Variants in LPP observed in about 807,000 individuals in gnomAD.
LPP encodes LIM domain containing preferred translocation partner in lipoma, also known as lipoma-preferred partner.
In LPP, 38 loss-of-function variants were observed where a neutral mutation model predicts 60.4. The ratio of observed to expected loss-of-function variants is 0.63; its 90% CI spans 0.49 to 0.83. The LOEUF is 0.83. Among genes scored for constraint, LPP ranks in the 40% least tolerant of loss-of-function variants. LPP has a pLI of 0.00. For missense variants in LPP, 902 were observed against 783.6 expected (o/e 1.15, Z -1.80); for synonymous variants, 328 against 290.8 (o/e 1.13, Z -1.30).
intron 5 of LPP, among the ~76,000 whole-genome samples, chr3:188,500,371 A>T (rs1044239725): frequency 3.2e-4 from 48 of 152,116 alleles, no homozygotes; most frequent in African/African-American, 1.1e-3. Flanking sequence ...CCATTCTGTT[A>T]ATATAATATA....
At chr3:188,753,840 G>A (rs1729072423) in intron 8 of LPP, among the ~76,000 whole-genome samples, 1 of 151,958 alleles carries the variant, frequency 6.6e-6, no homozygotes, top group African/African-American at 2.4e-5. Context: ...AGACATTGGA[G>A]CCACCTTTCC....
rs973924004 is a variant in LPP, at chr3:188,638,685, A to T, written c.1113+28841A>T. On this transcript the variant is annotated intron_variant, in intron 7 of 11. Coordinates refer to ENST00000617246, the MANE Select transcript of LPP (RefSeq NM_001375462.1). ...AGCAAAGTCTCAGGATACAAAATCAATGTACAAAAATCACAAGCATTCTTA... is the reference window on the plus strand; with the variant it reads ...AGCAAAGTCTCAGGATACAAAATCATTGTACAAAAATCACAAGCATTCTTA... Among the ~76,000 whole-genome samples the T allele has an allele frequency of 1.4e-3, 201 of 148,058 alleles. 3 individuals carry two copies. Among genetic ancestry groups the T allele is most frequent in the African/African-American group, 4.9e-3 (192 of 39,486 alleles).
intron 9 of LPP, among the ~76,000 whole-genome samples, chr3:188,766,582 G>T (rs146449388): frequency 6.6e-6 from 1 of 152,152 alleles, no homozygotes; most frequent in Non-Finnish European, 1.5e-5. Context: ...GTTCCATAGA[G>T]TATGAGTGTC....
intron 7 of LPP, among the ~76,000 whole-genome samples, chr3:188,664,109 G>A (rs1855227484): frequency 6.6e-6 from 1 of 152,208 alleles, no homozygotes; most frequent in Non-Finnish European, 1.5e-5. Flanking sequence ...ATTGGACAGA[G>A]CTGCAATGAG....
intron 2 of LPP, among the ~76,000 whole-genome samples, chr3:188,266,275 G>C (rs1026635812): frequency 2.6e-5 from 4 of 152,140 alleles, no homozygotes; most frequent in African/African-American, 9.7e-5. Flanking sequence ...GTTTAATACA[G>C]AATTATTTTG....
At chr3:188,332,934 C>A (rs1211232145) in intron 2 of LPP, among the ~76,000 whole-genome samples, 1 of 123,126 alleles carries the variant, frequency 8.1e-6, no homozygotes. Flanking sequence ...CAGTTGCATG[C>A]ATGCCATATT....
At chr3:188,653,481 A>G (rs1852504821) in intron 7 of LPP, among the ~76,000 whole-genome samples, 1 of 152,062 alleles carries the variant, frequency 6.6e-6, no homozygotes, top group Admixed American at 6.6e-5. Flanking sequence ...TTAATGAGAG[A>G]ATGAATTCCT....
chr3:188,831,179 C>A lies in LPP; in HGVS notation c.1411-35021C>A, dbSNP rs1409315307. On this transcript the variant is annotated intron_variant, in intron 9 of 11. Transcript: ENST00000617246. The stretch of plus-strand genomic sequence containing the variant: ...TTTTAATGTATTCTGGTCCAAATCA[C>A]TGGAGTTGGCAAAGATGGAGAAGGA... 2.0e-5 allele frequency among the ~76,000 whole-genome samples: 3 copies of A among 152,166 alleles called. No homozygotes were observed. The East Asian group carries it at 5.8e-4, about 29-fold the overall frequency.
At chr3:188,540,983 C>G (rs1205005315) in intron 6 of LPP, among the ~76,000 whole-genome samples, 1 of 152,170 alleles carries the variant, frequency 6.6e-6, no homozygotes, top group Non-Finnish European at 1.5e-5. Context: ...TGGTCTTGTC[C>G]TACCATCTGA....
chr3:188,280,708 G>T (rs1399813336), intron 2 of LPP, among the ~76,000 whole-genome samples: 1 of 152,050 alleles, frequency 6.6e-6, no homozygotes, highest in East Asian at 1.9e-4. Context: ...CCAGAACAGG[G>T]TCTTAACCAG....
intron 1 of LPP, among the ~76,000 whole-genome samples, chr3:188,220,510 C>T (rs1715376732): frequency 6.6e-6 from 1 of 152,188 alleles, no homozygotes; most frequent in Non-Finnish European, 1.5e-5. Context: ...TCAGCACAGG[C>T]TCATTACTAA....
Position 188,522,813 on chromosome 3 carries a change from A to G in LPP, c.307-1852A>G, listed in dbSNP as rs865792989. 8.5e-3 allele frequency among the ~76,000 whole-genome samples: 1,102 copies of G among 129,346 alleles called. 8 individuals are homozygous for G. Among genetic ancestry groups the G allele is most frequent in the Middle Eastern group, 0.018 (4 of 228 alleles). 84.9% of individuals were successfully genotyped at this position (129,346 alleles called of 152,430 possible). On this transcript the variant is annotated intron_variant, in intron 5 of 11. Transcript: ENST00000617246. ...TATATATATATATATATATATATAT[A>G]TATGTGTATGTGTGTGTGTATGTGT...
At position 188,250,845 on chromosome 3, in the gene LPP, TTC is replaced by T. The variant is rs1231948916; in HGVS notation, c.-67+25322_-67+25323del. On this transcript the variant is annotated intron_variant, in intron 2 of 11. Transcript: ENST00000617246. ...TTCTTTTTCTTTCTTTCTTTTCTTT[TTC>T]TCTTTCTCTCTTTCTTTTCTTTTTC... Among the ~76,000 whole-genome samples, 58 of 150,110 alleles carry T rather than the reference TTC, an allele frequency of 3.9e-4. 1 individual carries two copies. The South Asian group carries it at 5.1e-3, about 13-fold the overall frequency.
chr3:188,583,193 G>A (rs774426836), intron 6 of LPP, among the ~76,000 whole-genome samples: 3 of 152,094 alleles, frequency 2.0e-5, no homozygotes, highest in Admixed American at 1.3e-4. Context: ...TGTTTTCCAC[G>A]TGCGAAATAG....
chr3:188,733,867 G>A (rs1261507189), intron 8 of LPP, among the ~76,000 whole-genome samples: 1 of 152,058 alleles, frequency 6.6e-6, no homozygotes, highest in African/African-American at 2.4e-5. Context: ...GTCTACTGTT[G>A]TTACTATGAT....
rs137891400 is a variant in LPP at position 188,213,261 on chromosome 3, C to T, written c.-189-12144C>T. On this transcript the variant is annotated intron_variant, in intron 1 of 11. Transcript: ENST00000617246. ...ATGTGTAGCATTTGCACAGCATCCA[C>T]GGTCTGGAATACCTTGTGTGCAGGT... Among the ~76,000 whole-genome samples the T allele has an allele frequency of 4.0e-4, 61 of 152,294 alleles. No homozygotes were observed. The East Asian group carries it at 0.011, about 27-fold the overall frequency.
In LPP at chr3:188,804,284, A is replaced by ATATATATATATATATAT. The variant is rs1367742182; in HGVS notation, c.1410+44002_1410+44003insTATATATATATATATAT. Among the ~76,000 whole-genome samples, 2 of 39,892 alleles carry ATATATATATATATATAT rather than the reference A, an allele frequency of 5.0e-5. 1 individual carries two copies. Among genetic ancestry groups the ATATATATATATATATAT allele is most frequent in the Non-Finnish European group, 9.5e-5 (2 of 21,018 alleles). The allele number at this position is 39,892 out of a possible 152,430, so 26.2% of individuals were successfully genotyped here. ...ATATATATATATATATATATATATA[A>ATATATATATATATATAT]AATGGAATACAATTCAGCCATAAAA... On this transcript the variant is annotated intron_variant, in intron 9 of 11. Coordinates refer to ENST00000617246, the MANE Select transcript of LPP (RefSeq NM_001375462.1).
chr3:188,190,989 T>TG (rs1413495896), intron 1 of LPP, among the ~76,000 whole-genome samples: 2 of 152,204 alleles, frequency 1.3e-5, no homozygotes, highest in Non-Finnish European at 2.9e-5. Context: ...CCCAGCACTT[T>TG]GGGGGGCCGA....
At chr3:188,163,951 C>CA (rs34632883) in intron 1 of LPP, among the ~76,000 whole-genome samples, 57,331 of 114,864 alleles carry the variant, frequency 0.5, 12,999 homozygotes, top group Non-Finnish European at 0.58. Context: ...ACTCTGTCTC[C>CA]AAAAAAAAAA....
Sources: allele counts gnomAD v4.1 joint callset (sites outside exome capture counted in the v4.1 genomes callset), GRCh38; gene constraint gnomAD v4.1.1; transcripts MANE v1.5; gene names NCBI Gene and HGNC (gene_info 2026-07-23, HGNC 2026-07-21).